Variants in SORCS1 observed in about 807,000 individuals in gnomAD.
SORCS1 encodes the protein VPS10 domain-containing receptor SorCS1.
SORCS1 carries 60 observed loss-of-function variants against 146.1 expected under a neutral mutation model. The observed-to-expected ratio is 0.41, with a 90% CI of 0.33 to 0.51. The LOEUF (loss-of-function observed/expected upper bound fraction) is 0.51, where lower values mean the gene tolerates loss of function less well. Among genes scored for constraint, SORCS1 ranks in the 20% least tolerant of loss-of-function variants. The pLI is 0.21. For missense variants in SORCS1, 1,352 were observed against 1,487.6 expected (o/e 0.91, Z 1.50); for synonymous variants, 637 against 584.0 (o/e 1.09, Z -1.31).
chr10:106,695,782 TC>T, intron 9 of SORCS1, among the ~76,000 whole-genome samples: 1 of 152,320 alleles, frequency 6.6e-6, no homozygotes, highest in Middle Eastern at 3.4e-3. Context: ...ATTTCTTGGC[TC>T]TCTTGAATGG....
chr10:106,577,149 T>C lies in SORCS1; in HGVS notation c.*271A>G. 7.7e-7 allele frequency: 1 copy of C among 1,300,972 alleles called. No homozygotes were observed. Among genetic ancestry groups the C allele is most frequent in the Non-Finnish European group, 1.0e-6 (1 of 973,036 alleles). 80.6% of individuals were successfully genotyped at this position (1,300,972 alleles called of 1,614,324 possible). A position where few individuals can be genotyped will look rare whatever the true frequency, so the allele number is the denominator to read the frequency against. On this transcript the variant is annotated 3_prime_UTR_variant, in exon 26 of 26. Transcript: ENST00000263054. ...GATGCAGTGAGTGTTTGTTTGTTTG[T>C]TTGGATTTTGATTGTTTATATTTTA...
At chr10:106,748,381 AAAC>A (rs1292506617) in intron 5 of SORCS1, among the ~76,000 whole-genome samples, 5 of 152,188 alleles carry the variant, frequency 3.3e-5, no homozygotes, top group Admixed American at 1.3e-4. Context: ...TGAGTGCCAC[AAAC>A]AACAACCATA....
chr10:106,715,585 G>GT (rs1855306045), intron 6 of SORCS1, among the ~76,000 whole-genome samples: 1 of 152,216 alleles, frequency 6.6e-6, no homozygotes, highest in Non-Finnish European at 1.5e-5. Context: ...TATGACATTT[G>GT]ATGACCTTAG....
chr10:106,902,307 A>G (rs887990612), intron 2 of SORCS1, among the ~76,000 whole-genome samples: 7 of 152,146 alleles, frequency 4.6e-5, no homozygotes, highest in African/African-American at 7.2e-5. Flanking sequence ...TGCCTTAAGA[A>G]TACAACTCAC....
intron 2 of SORCS1, among the ~76,000 whole-genome samples, chr10:106,905,908 CT>C (rs1215087941): frequency 1.3e-5 from 2 of 152,206 alleles, no homozygotes; most frequent in South Asian, 4.1e-4. Flanking sequence ...TATTATCAGT[CT>C]CTCTGATAAT....
At chr10:106,899,935 C>T (rs11193095) in intron 2 of SORCS1, among the ~76,000 whole-genome samples, 41 of 152,028 alleles carry the variant, frequency 2.7e-4, no homozygotes, top group Non-Finnish European at 4.6e-4. Context: ...ATATTATATA[C>T]GTATATGTAT....
chr10:106,618,401 G>C, intron 20 of SORCS1, 129 bp from the exon 21 acceptor site: 7 of 1,176,040 alleles, frequency 6.0e-6, no homozygotes, highest in Non-Finnish European at 7.1e-6. Flanking sequence ...CAATGGCACT[G>C]AGTCCCTCTA....
rs1053660676 is a variant in SORCS1 at position 106,585,777 on chromosome 10, T to G, written c.3266-6303A>C. The stretch of plus-strand genomic sequence containing the variant: ...TTTCACGGCCTTGCATACCTCTGCT[T>G]TTTCTCTTGGAATCCTACCACTGCC... On this transcript the variant is annotated intron_variant, in intron 24 of 25. Coordinates refer to ENST00000263054, the MANE Select transcript of SORCS1 (RefSeq NM_052918.5). Among the ~76,000 whole-genome samples, 8 of 152,176 alleles carry G rather than the reference T, an allele frequency of 5.3e-5. 1 individual carries two copies. Among genetic ancestry groups the G allele is most frequent in the Admixed American group, 3.9e-4 (6 of 15,278 alleles).
At chr10:106,889,034 G>A (rs1017678389) in intron 2 of SORCS1, among the ~76,000 whole-genome samples, 1 of 151,866 alleles carries the variant, frequency 6.6e-6, no homozygotes, top group African/African-American at 2.4e-5. Flanking sequence ...TTCAATAGGA[G>A]GTAAAATTTT....
chr10:106,585,098 C>A (rs1384672547), intron 24 of SORCS1, among the ~76,000 whole-genome samples: 3 of 151,802 alleles, frequency 2.0e-5, no homozygotes, highest in African/African-American at 7.3e-5. Context: ...GTGGCAGGCA[C>A]CTGTAGTCCC....
intron 3 of SORCS1, 121 bp from the exon 4 acceptor site, chr10:106,776,813 C>A: frequency 1.1e-6 from 1 of 945,426 alleles, no homozygotes; most frequent in Non-Finnish European, 1.6e-6. Flanking sequence ...AATGCTTGGC[C>A]AAACAGGGAC....
At chr10:107,005,395 G>A (rs182979450) in intron 1 of SORCS1, among the ~76,000 whole-genome samples, 283 of 152,210 alleles carry the variant, frequency 1.9e-3, no homozygotes, top group Non-Finnish European at 3.7e-3. Context: ...AAAAACTAGA[G>A]ATTGTTCTAA....
intron 2 of SORCS1, among the ~76,000 whole-genome samples, chr10:106,896,730 C>T (rs11193094): frequency 0.32 from 48,635 of 150,740 alleles, 8,732 homozygotes; most frequent in Non-Finnish European, 0.41. Flanking sequence ...CTTTCCCCAA[C>T]TAAAGCACCA....
At chr10:106,691,471 TTTC>T (rs1454766824) in intron 9 of SORCS1, among the ~76,000 whole-genome samples, 1 of 152,232 alleles carries the variant, frequency 6.6e-6, no homozygotes, top group East Asian at 1.9e-4. Context: ...TTAATAGTTA[TTTC>T]TTATTATTTA....
intron 6 of SORCS1, among the ~76,000 whole-genome samples, chr10:106,711,441 C>T (rs567226853): frequency 6.6e-6 from 1 of 152,172 alleles, no homozygotes; most frequent in East Asian, 1.9e-4. Flanking sequence ...ACTAGGAAGG[C>T]GGAATTGTCC....
chr10:106,677,463 A>G, intron 12 of SORCS1, 59 bp from the exon 13 acceptor site: 4 of 1,452,738 alleles, frequency 2.8e-6, no homozygotes, highest in Non-Finnish European at 2.9e-6. Context: ...CCCAGGCTTC[A>G]GAGAATCAGT....
At chr10:106,849,941 G>A (rs1025307634) in intron 2 of SORCS1, among the ~76,000 whole-genome samples, 1 of 152,146 alleles carries the variant, frequency 6.6e-6, no homozygotes, top group Non-Finnish European at 1.5e-5. Flanking sequence ...CAGTCTGCCC[G>A]TTCTCAGATC....
At chr10:107,054,733 T>C (rs929963663) in intron 1 of SORCS1, among the ~76,000 whole-genome samples, 1 of 152,210 alleles carries the variant, frequency 6.6e-6, no homozygotes, top group Non-Finnish European at 1.5e-5. Flanking sequence ...CCACAGGGCA[T>C]GAGCTATGCT....
chr10:106,645,558 T>C (rs1247920829), intron 18 of SORCS1, among the ~76,000 whole-genome samples: 2 of 152,118 alleles, frequency 1.3e-5, no homozygotes, highest in Admixed American at 1.3e-4. Flanking sequence ...ATAAATTAAG[T>C]TGCATTACAT....
Sources: gnomAD v4.1 joint callset for allele counts (sites outside exome capture counted in the v4.1 genomes callset) on GRCh38, gnomAD v4.1.1 for gene constraint, MANE v1.5 for transcripts, NCBI Gene and HGNC (gene_info 2026-07-23, HGNC 2026-07-21) for gene names.